The following TSC22D1 variants were observed in gnomAD, a reference collection of about 807,000 sequenced individuals.
The protein encoded by TSC22D1 is TSC22 domain family member 1, also known as TSC22 domain family protein 1.
Under a neutral mutation model 74.2 loss-of-function variants are expected in TSC22D1, and 9 were observed. The observed-to-expected ratio is 0.12, with a 90% confidence interval of 0.07 to 0.21. TSC22D1 has a LOEUF of 0.21. Ranked by LOEUF, TSC22D1 falls within the 10% of genes least tolerant of loss-of-function variation. The pLI, the probability that TSC22D1 is intolerant of heterozygous loss-of-function variation, is 1.00. For missense variants in TSC22D1, 1,427 were observed against 1,304.7 expected, an observed-to-expected ratio of 1.09 and a Z score of -1.44; for synonymous variants, 586 against 492.5, an observed-to-expected ratio of 1.19 and a Z score of -2.51.
At chr13:44,556,177 G>A (rs1239495395) in intron 1 of TSC22D1, among the ~76,000 whole-genome samples, 1 of 151,424 alleles carries the variant, frequency 6.6e-6, no homozygotes, top group Non-Finnish European at 1.5e-5. Flanking sequence ...ACATTTATAA[G>A]TGAATCAGGA....
At chr13:44,567,795 A>T (rs1883482055) in intron 1 of TSC22D1, among the ~76,000 whole-genome samples, 1 of 152,166 alleles carries the variant, frequency 6.6e-6, no homozygotes, top group South Asian at 2.1e-4. Context: ...AACCTGACTC[A>T]AGAAAAAGTC....
chr13:44,560,620 C>T (rs1288748308), intron 1 of TSC22D1, among the ~76,000 whole-genome samples: 1 of 152,010 alleles, frequency 6.6e-6, no homozygotes, highest in Non-Finnish European at 1.5e-5. Context: ...AAGTATGAAA[C>T]AACTTGTCTT....
At chr13:44,556,060 T>C (rs1422015307) in intron 1 of TSC22D1, among the ~76,000 whole-genome samples, 1 of 152,118 alleles carries the variant, frequency 6.6e-6, no homozygotes, top group East Asian at 1.9e-4. Context: ...GTAAGGCTTA[T>C]ATTACATTAC....
chr13:44,564,612 A>C (rs978241552), intron 1 of TSC22D1, among the ~76,000 whole-genome samples: 2 of 152,216 alleles, frequency 1.3e-5, no homozygotes, highest in African/African-American at 4.8e-5. Flanking sequence ...TGGGAGAAAG[A>C]AGCATGATGA....
At chr13:44,495,518 A>G (rs549432746) in intron 1 of TSC22D1, among the ~76,000 whole-genome samples, 15 of 152,352 alleles carry the variant, frequency 9.8e-5, no homozygotes, top group Middle Eastern at 3.4e-3. Context: ...TATGAAAGTC[A>G]GTACTATTTT....
chr13:44,516,968 T>G (rs939859341), intron 1 of TSC22D1, among the ~76,000 whole-genome samples: 29 of 151,212 alleles, frequency 1.9e-4, no homozygotes, highest in African/African-American at 7.1e-4. Context: ...CACCTGCTGA[T>G]CTCAGCTCTA....
intron 1 of TSC22D1, among the ~76,000 whole-genome samples, chr13:44,466,804 C>T (rs9525957): frequency 0.079 from 11,938 of 151,558 alleles, 576 homozygotes; most frequent in Non-Finnish European, 0.1. Flanking sequence ...TATATAGATT[C>T]CTGAGCCCAA....
chr13:44,435,242 C>A, intron 2 of TSC22D1: 1 of 197,748 alleles, frequency 5.1e-6, no homozygotes, highest in South Asian at 1.4e-4. Context: ...AGGCCCCGCC[C>A]CGCGCTCGCC....
In TSC22D1 at chr13:44,433,259, C is replaced by G. The variant is rs1205552343; in HGVS notation, c.*1367G>C. 2.0e-5 allele frequency: 3 copies of G among 152,364 alleles called. No homozygotes were observed. The highest frequency in any genetic ancestry group is 7.2e-5 in the African/African-American group (3 of 41,580). The allele number at this position is 152,364 out of a possible 1,614,324, so 9.4% of individuals were successfully genotyped here. On this transcript the variant is annotated 3_prime_UTR_variant, in exon 3 of 3. Transcript: ENST00000458659. ...GTAAGAGATCATCTCTTTCAAACCCCTACATCCGTCCAGGAGTGAAGCAAC... is the reference window on the plus strand; with the variant it reads ...GTAAGAGATCATCTCTTTCAAACCCGTACATCCGTCCAGGAGTGAAGCAAC...
At chr13:44,489,942 G>A (rs950901516) in intron 1 of TSC22D1, among the ~76,000 whole-genome samples, 21 of 152,118 alleles carry the variant, frequency 1.4e-4, no homozygotes, top group African/African-American at 4.8e-4. Flanking sequence ...ACACAGCTAG[G>A]AGTGAAAACA....
chr13:44,507,373 G>A (rs560932406), intron 1 of TSC22D1, among the ~76,000 whole-genome samples: 94 of 152,202 alleles, frequency 6.2e-4, no homozygotes, highest in African/African-American at 2.2e-3. Flanking sequence ...GGTCTGAGAA[G>A]GCGTCAGAGT....
chr13:44,551,714 C>T (rs1228489474), intron 1 of TSC22D1, among the ~76,000 whole-genome samples: 2 of 152,136 alleles, frequency 1.3e-5, no homozygotes, highest in Non-Finnish European at 2.9e-5. Context: ...AGCCATCGTG[C>T]CCGGCCGCCA....
chr13:44,491,847 G>A (rs1878742442), intron 1 of TSC22D1, among the ~76,000 whole-genome samples: 1 of 152,170 alleles, frequency 6.6e-6, no homozygotes, highest in Admixed American at 6.5e-5. Context: ...GGAAAGCAAA[G>A]TGGAACAATC....
chr13:44,481,203 G>A (rs1394496178), intron 1 of TSC22D1, among the ~76,000 whole-genome samples: 1 of 152,202 alleles, frequency 6.6e-6, no homozygotes, highest in Non-Finnish European at 1.5e-5. Flanking sequence ...AATGAGACAA[G>A]AAGGATGGAA....
At chr13:44,569,879 T>C (rs1290035384) in intron 1 of TSC22D1, among the ~76,000 whole-genome samples, 1 of 152,158 alleles carries the variant, frequency 6.6e-6, no homozygotes, top group Admixed American at 6.5e-5. Flanking sequence ...AAAAAAATAA[T>C]TCATCCCTGC....
chr13:44,446,869 A>C (rs1454897742), intron 1 of TSC22D1, among the ~76,000 whole-genome samples: 1 of 9,506 alleles, frequency 1.1e-4, no homozygotes, highest in African/African-American at 1.4e-4. Context: ...GAAGAAGAAA[A>C]AGAAACATAT....
intron 1 of TSC22D1, among the ~76,000 whole-genome samples, chr13:44,478,036 T>C (rs569225979): frequency 6.6e-6 from 1 of 152,034 alleles, no homozygotes; most frequent in East Asian, 1.9e-4. Context: ...AGTCCTTATA[T>C]AAAAAGCAAA....
rs1555269397 is a variant in TSC22D1, at chr13:44,517,829, GTATATATATATA to G, written c.2912+55322_2912+55333del. Among the ~76,000 whole-genome samples the G allele has an allele frequency of 7.8e-4, 11 of 14,134 alleles. No homozygotes were observed. In the Admixed American group the frequency reaches 0.013, roughly 17 times the overall value. The allele number at this position is 14,134 out of a possible 152,430, so 9.3% of individuals were successfully genotyped here. On this transcript the variant is annotated intron_variant, in intron 1 of 2. Transcript: ENST00000458659. ...CATATATATGTGTGTGTGTGTGTGT[GTATATATATATA>G]TATATATATATATATATTTTTTTTT... is the stretch of plus-strand genomic sequence containing the variant.
chr13:44,478,106 G>A (rs1422178230), intron 1 of TSC22D1, among the ~76,000 whole-genome samples: 1 of 151,886 alleles, frequency 6.6e-6, no homozygotes, highest in Non-Finnish European at 1.5e-5. Context: ...GATTCCTTGG[G>A]AAAACTAGGA....
Sources: allele counts gnomAD v4.1 joint callset (sites outside exome capture counted in the v4.1 genomes callset), GRCh38; gene constraint gnomAD v4.1.1; transcripts MANE v1.5; gene names NCBI Gene and HGNC (gene_info 2026-07-23, HGNC 2026-07-21).